The following TNFRSF11A variants were observed in gnomAD, a reference collection of about 807,000 sequenced individuals.
The protein encoded by TNFRSF11A is tumor necrosis factor receptor superfamily member 11A.
Under a neutral mutation model 55.7 loss-of-function variants are expected in TNFRSF11A, and 32 were observed. That is an observed-to-expected ratio of 0.57 (90% CI 0.43 to 0.77). The LOEUF (loss-of-function observed/expected upper bound fraction) is 0.77, where lower values mean the gene tolerates loss of function less well. Among genes scored for constraint, TNFRSF11A ranks in the 30% least tolerant of loss-of-function variants. The pLI is 0.00. For synonymous variants in TNFRSF11A, 311 were observed against 331.0 expected, an observed-to-expected ratio of 0.94 and a Z score of 0.65; for missense variants, 753 against 809.8, an observed-to-expected ratio of 0.93 and a Z score of 0.85.
intron 3 of TNFRSF11A, among the ~76,000 whole-genome samples, chr18:62,350,147 TG>T (rs2046444750): frequency 2.0e-5 from 3 of 152,248 alleles, no homozygotes; most frequent in African/African-American, 7.2e-5. Flanking sequence ...AATATATTTA[TG>T]TTGCCATTTA....
chr18:62,367,069 C>G (rs1419137921), intron 8 of TNFRSF11A, among the ~76,000 whole-genome samples: 2 of 152,178 alleles, frequency 1.3e-5, no homozygotes, highest in Non-Finnish European at 2.9e-5. Context: ...ACGCTAGTCT[C>G]GAACTCCTGG....
At chr18:62,330,486 T>C (rs981141833) in intron 1 of TNFRSF11A, among the ~76,000 whole-genome samples, 1 of 151,620 alleles carries the variant, frequency 6.6e-6, no homozygotes, top group African/African-American at 2.4e-5. Context: ...GACTCAGGGG[T>C]GTGGGGAGAG....
rs749517140 is a variant in TNFRSF11A at position 62,369,307 on chromosome 18, C to G, written c.1390C>G (p.Pro464Ala). ...GEDCEPLVGS[P>A]KRGPLPQCAY... is the part of the protein sequence containing the mutation. ...GGACTGTGAACCCCTCGTGGGTTCC[C>G]CAAAACGTGGACCCTTGCCCCAGTG... The change falls in exon 9 of 10, where the codon CCA becomes GCA. Residue 464 changes from proline to alanine, a missense_variant. By Grantham distance (27) the Pro-to-Ala change is conservative. Transcript: ENST00000586569. 9.9e-6 allele frequency: 16 copies of G among 1,610,732 alleles called. No homozygotes were observed. Among genetic ancestry groups the G allele is most frequent in the African/African-American group, 1.3e-5 (1 of 74,874 alleles).
rs1001731076 is a variant in TNFRSF11A at position 62,384,954 on chromosome 18, C to T, written c.1771C>T (p.Pro591Ser). ...GGGGAACGGCCCGCGCTTCCCGGAC[C>T]CGTGCGGCGGCCCCGAGGGGCTGCG... ...FAGNGPRFPD[P>S]CGGPEGLREP... The change falls in exon 10 of 10, where the codon CCG becomes TCG. Residue 591 changes from proline (P) to serine (S), a missense_variant. Physicochemically the swap from Pro to Ser is moderately conservative, Grantham distance 74. Transcript: ENST00000586569. 4.0e-6 allele frequency: 6 copies of T among 1,509,012 alleles called. No individual in the cohort carries two copies. The highest frequency in any genetic ancestry group is 1.4e-5 in the African/African-American group (1 of 70,696). 93.5% of individuals were successfully genotyped at this position (1,509,012 alleles called of 1,614,324 possible).
intron 2 of TNFRSF11A, among the ~76,000 whole-genome samples, 200 bp from the exon 3 acceptor site, chr18:62,349,612 T>G (rs1263494643): frequency 6.6e-6 from 1 of 152,190 alleles, no homozygotes; most frequent in Non-Finnish European, 1.5e-5. Context: ...CTGCGTGGCC[T>G]GAGGAGCCCA....
At chr18:62,355,046 C>T (rs1000772127) in intron 4 of TNFRSF11A, among the ~76,000 whole-genome samples, 1 of 152,200 alleles carries the variant, frequency 6.6e-6, no homozygotes, top group Non-Finnish European at 1.5e-5. Context: ...AATGTAAACA[C>T]CATGGCCATT....
rs146777127 is a variant in TNFRSF11A, at chr18:62,352,887, G to A, written c.284-1504G>A. ...GTAACTTGAGACCATAAGAGACAGC[G>A]GGTTTCTGGTTTGTTGGCTTGTTTT... On this transcript the variant is annotated intron_variant, in intron 3 of 9. Coordinates refer to ENST00000586569, the MANE Select transcript of TNFRSF11A (RefSeq NM_003839.4). Among the ~76,000 whole-genome samples the A allele has an allele frequency of 5.6e-4, 86 of 152,240 alleles. 1 individual carries two copies. Among genetic ancestry groups the A allele is most frequent in the African/African-American group, 1.8e-3 (73 of 41,534 alleles).
At chr18:62,335,129 ATTTTTT>A in intron 1 of TNFRSF11A, among the ~76,000 whole-genome samples, 1 of 140,780 alleles carries the variant, frequency 7.1e-6, no homozygotes, top group South Asian at 2.3e-4. Context: ...TGGGGTCGGA[ATTTTTT>A]TTTTTTTTTT....
chr18:62,384,624 T>G (rs917574469), intron 9 of TNFRSF11A, 127 bp from the exon 10 acceptor site: 1 of 1,113,704 alleles, frequency 9.0e-7, no homozygotes, highest in Middle Eastern at 2.4e-4. Flanking sequence ...TACAGTGTGG[T>G]TCCCTGTGGC....
At chr18:62,361,356 G>A (rs1909668339) in intron 6 of TNFRSF11A, among the ~76,000 whole-genome samples, 1 of 152,164 alleles carries the variant, frequency 6.6e-6, no homozygotes, top group African/African-American at 2.4e-5. Flanking sequence ...TGGGGATACT[G>A]AAGGGTTCTG....
At chr18:62,339,512 G>C (rs537922505) in intron 1 of TNFRSF11A, among the ~76,000 whole-genome samples, 1 of 152,336 alleles carries the variant, frequency 6.6e-6, no homozygotes, top group African/African-American at 2.4e-5. Context: ...TGGCACTGCT[G>C]TGTGGGGCTC....
intron 8 of TNFRSF11A, among the ~76,000 whole-genome samples, chr18:62,367,146 G>A (rs575219452): frequency 2.0e-5 from 3 of 152,310 alleles, no homozygotes; most frequent in South Asian, 2.1e-4. Context: ...CACCGCGCCC[G>A]GCCTCAGCTC....
chr18:62,359,676 G>A lies in TNFRSF11A; in HGVS notation c.522-279G>A, dbSNP rs113654528. ...TGACAGGCCTGAGCCACCCAGGCACGGCCAGAATATTCTTTCCTGAAGACT... is the reference window on the plus strand; with the variant it reads ...TGACAGGCCTGAGCCACCCAGGCACAGCCAGAATATTCTTTCCTGAAGACT... On this transcript the variant is annotated intron_variant, in intron 5 of 9. Transcript: ENST00000586569. 2.9e-3 allele frequency among the ~76,000 whole-genome samples: 436 copies of A among 152,296 alleles called. 5 individuals carry two copies. Among genetic ancestry groups the A allele is most frequent in the African/African-American group, 9.7e-3 (403 of 41,560 alleles).
intron 1 of TNFRSF11A, among the ~76,000 whole-genome samples, chr18:62,345,448 T>C (rs935364662): frequency 2.6e-5 from 4 of 152,204 alleles, no homozygotes; most frequent in African/African-American, 9.7e-5. Context: ...ATCATGTAAC[T>C]AGAGAACAAA....
intron 9 of TNFRSF11A, chr18:62,378,216 A>T (rs913175282): frequency 1.3e-5 from 2 of 152,234 alleles, no homozygotes; most frequent in Admixed American, 6.5e-5. Context: ...TAGCAAGGAC[A>T]GTTCAGGACT....
intron 3 of TNFRSF11A, among the ~76,000 whole-genome samples, chr18:62,352,928 A>G (rs113134065): frequency 1.3e-3 from 203 of 152,334 alleles, no homozygotes; most frequent in Non-Finnish European, 1.7e-3. Flanking sequence ...TGGAATTCCT[A>G]TAAGTATTCA....
intron 1 of TNFRSF11A, among the ~76,000 whole-genome samples, chr18:62,345,675 A>G (rs1012454866): frequency 6.6e-6 from 1 of 152,178 alleles, no homozygotes; most frequent in African/African-American, 2.4e-5. Context: ...GCTAAAAACC[A>G]CTGAACGGTA....
At chr18:62,371,639 C>T (rs550963990) in intron 9 of TNFRSF11A, among the ~76,000 whole-genome samples, 2 of 152,286 alleles carry the variant, frequency 1.3e-5, no homozygotes, top group African/African-American at 4.8e-5. Flanking sequence ...CGCCAGCAAG[C>T]GGGCCAAATT....
chr18:62,331,471 G>T (rs780848715), intron 1 of TNFRSF11A, among the ~76,000 whole-genome samples: 2 of 152,158 alleles, frequency 1.3e-5, no homozygotes, highest in South Asian at 2.1e-4. Flanking sequence ...ATTAGACCCT[G>T]TAGAGGCAAA....
Sources: gnomAD v4.1 joint callset for allele counts (sites outside exome capture counted in the v4.1 genomes callset) on GRCh38, gnomAD v4.1.1 for gene constraint, MANE v1.5 for transcripts, NCBI Gene and HGNC (gene_info 2026-07-23, HGNC 2026-07-21) for gene names.